Variants in SHLD1 observed in about 807,000 individuals in gnomAD.
SHLD1 encodes the protein shieldin complex subunit 1.
In SHLD1, 3 loss-of-function variants were observed where a neutral mutation model predicts 5.5. That is an observed-to-expected ratio of 0.54 (90% CI 0.25 to 1.40). The LOEUF is 1.40. Ranked by LOEUF, SHLD1 falls within the 40% of genes most tolerant of loss-of-function variation. The pLI is 0.15. For missense variants in SHLD1, 210 were observed against 244.4 expected, an observed-to-expected ratio of 0.86 and a Z score of 0.94; for synonymous variants, 92 against 94.3, an observed-to-expected ratio of 0.98 and a Z score of 0.14.
intron 2 of SHLD1, among the ~76,000 whole-genome samples, chr20:5,793,888 T>G (rs966218031): frequency 6.6e-6 from 1 of 152,126 alleles, no homozygotes; most frequent in African/African-American, 2.4e-5. Context: ...TTTTGTATTT[T>G]CAGTAGAGAC....
intron 2 of SHLD1, among the ~76,000 whole-genome samples, chr20:5,787,829 G>A (rs2087080210): frequency 6.6e-6 from 1 of 152,232 alleles, no homozygotes; most frequent in Non-Finnish European, 1.5e-5. Flanking sequence ...TGTGTGATCT[G>A]TGTAGGATAA....
intron 2 of SHLD1, among the ~76,000 whole-genome samples, chr20:5,786,007 T>G (rs756811820): frequency 6.6e-5 from 10 of 152,198 alleles, no homozygotes; most frequent in Non-Finnish European, 1.5e-4. Context: ...CTTGAACTAC[T>G]TGTGCACTAA....
chr20:5,798,090 T>G (rs184068565), intron 2 of SHLD1, among the ~76,000 whole-genome samples: 13 of 152,162 alleles, frequency 8.5e-5, no homozygotes, highest in Non-Finnish European at 1.9e-4. Flanking sequence ...ACTTGGGGGC[T>G]TGAATGGTCT....
intron 2 of SHLD1, among the ~76,000 whole-genome samples, chr20:5,793,450 T>G (rs1023031220): frequency 4.0e-5 from 6 of 151,880 alleles, no homozygotes; most frequent in African/African-American, 1.5e-4. Context: ...ACGTTGTGGG[T>G]TTTTTTTGAT....
At chr20:5,849,965 CAAA>C (rs752647466) in intron 2 of SHLD1, among the ~76,000 whole-genome samples, 3,660 of 49,934 alleles carry the variant, frequency 0.073, 66 homozygotes, top group East Asian at 0.16. Context: ...GACTCCGTCT[CAAA>C]AAAAAAAAAA....
At chr20:5,834,878 G>A (rs1373818228) in intron 2 of SHLD1, among the ~76,000 whole-genome samples, 1 of 152,168 alleles carries the variant, frequency 6.6e-6, no homozygotes, top group Non-Finnish European at 1.5e-5. Context: ...GCCTTTACAT[G>A]GTGGAAGGGG....
At chr20:5,764,901 G>A (rs577447550) in intron 1 of SHLD1, among the ~76,000 whole-genome samples, 2 of 152,198 alleles carry the variant, frequency 1.3e-5, no homozygotes, top group African/African-American at 4.8e-5. Flanking sequence ...CTTCTTATGT[G>A]TGCACCTTGA....
At chr20:5,840,414 A>G (rs1489377538) in intron 2 of SHLD1, among the ~76,000 whole-genome samples, 3 of 152,164 alleles carry the variant, frequency 2.0e-5, no homozygotes, top group Non-Finnish European at 4.4e-5. Context: ...ATGCATTTCC[A>G]TAAACCTTTG....
chr20:5,862,922 C>T (rs1176813794), intron 2 of SHLD1, 102 bp from the exon 3 acceptor site: 2 of 1,014,934 alleles, frequency 2.0e-6, no homozygotes, highest in Non-Finnish European at 2.9e-6. Flanking sequence ...TACTCAGGAA[C>T]AGTAAGCATG....
At chr20:5,780,411 C>T (rs191312054) in intron 2 of SHLD1, among the ~76,000 whole-genome samples, 20 of 152,242 alleles carry the variant, frequency 1.3e-4, no homozygotes, top group Non-Finnish European at 2.4e-4. Context: ...AGCCCAGCAA[C>T]AGGCACGCTG....
chr20:5,862,583 G>A (rs899714179), intron 2 of SHLD1, among the ~76,000 whole-genome samples: 1 of 152,196 alleles, frequency 6.6e-6, no homozygotes, highest in African/African-American at 2.4e-5. Flanking sequence ...GTTTGGGGGT[G>A]GGTACTACAG....
At chr20:5,818,760 G>A (rs2087570716) in intron 2 of SHLD1, among the ~76,000 whole-genome samples, 1 of 152,200 alleles carries the variant, frequency 6.6e-6, no homozygotes, top group Non-Finnish European at 1.5e-5. Flanking sequence ...CTTACAATAA[G>A]GCGATGATGT....
chr20:5,753,774 A>G (rs560749724), intron 1 of SHLD1, among the ~76,000 whole-genome samples: 1 of 152,266 alleles, frequency 6.6e-6, no homozygotes. Flanking sequence ...ACCTGGTCCA[A>G]CCAACCCTCT....
chr20:5,852,361 A>G (rs1430841358), intron 2 of SHLD1, among the ~76,000 whole-genome samples: 4 of 151,800 alleles, frequency 2.6e-5, no homozygotes, highest in Admixed American at 1.3e-4. Context: ...GACAGTACAG[A>G]TCTAGATGCA....
At chr20:5,814,844 G>A (rs925983247) in intron 2 of SHLD1, among the ~76,000 whole-genome samples, 1 of 151,178 alleles carries the variant, frequency 6.6e-6, no homozygotes, top group African/African-American at 2.4e-5. Context: ...TGTAGAGACG[G>A]GTTTCATCAT....
intron 2 of SHLD1, among the ~76,000 whole-genome samples, chr20:5,812,456 G>A (rs979864766): frequency 6.6e-6 from 1 of 152,198 alleles, no homozygotes; most frequent in African/African-American, 2.4e-5. Flanking sequence ...TTTGATATAT[G>A]TAACTTTAGA....
At chr20:5,841,852 C>T (rs942199984) in intron 2 of SHLD1, among the ~76,000 whole-genome samples, 3 of 152,086 alleles carry the variant, frequency 2.0e-5, no homozygotes, top group African/African-American at 7.2e-5. Flanking sequence ...GTCTGTGGGC[C>T]AATGGCTGCA....
chr20:5,843,311 T>A (rs1475839594), intron 2 of SHLD1, among the ~76,000 whole-genome samples: 2 of 144,862 alleles, frequency 1.4e-5, no homozygotes, highest in African/African-American at 5.3e-5. Flanking sequence ...TTTTTTTCCT[T>A]TTATTTTCTT....
chr20:5,827,414 G>A (rs904781925), intron 2 of SHLD1, among the ~76,000 whole-genome samples: 6 of 152,252 alleles, frequency 3.9e-5, no homozygotes, highest in African/African-American at 1.4e-4. Flanking sequence ...AGAGCAGGGT[G>A]GAGACGGGGA....
Sources: gnomAD v4.1 joint callset for allele counts (sites outside exome capture counted in the v4.1 genomes callset) on GRCh38, gnomAD v4.1.1 for gene constraint, MANE v1.5 for transcripts, NCBI Gene and HGNC (gene_info 2026-07-23, HGNC 2026-07-21) for gene names.